The following INPP4B variants were observed in gnomAD, a reference collection of about 807,000 sequenced individuals.
INPP4B encodes inositol polyphosphate 4-phosphatase type II.
Under a neutral mutation model 122.5 loss-of-function variants are expected in INPP4B, and 55 were observed. The ratio of observed to expected loss-of-function variants is 0.45; its 90% confidence interval spans 0.36 to 0.56. The LOEUF is 0.56. Ranked by LOEUF, INPP4B falls within the 20% of genes least tolerant of loss-of-function variation. INPP4B has a pLI of 0.00. For missense variants in INPP4B, 1,000 were observed against 1,097.7 expected (o/e 0.91, Z 1.26); for synonymous variants, 403 against 388.7 (o/e 1.04, Z -0.43).
At chr4:142,346,060 G>T (rs895653212) in intron 7 of INPP4B, among the ~76,000 whole-genome samples, 1 of 152,042 alleles carries the variant, frequency 6.6e-6, no homozygotes, top group Non-Finnish European at 1.5e-5. Flanking sequence ...CAACAAGGAA[G>T]TGGCATTGTA....
chr4:142,420,398 G>T (rs1314125097), intron 5 of INPP4B, among the ~76,000 whole-genome samples: 1 of 151,968 alleles, frequency 6.6e-6, no homozygotes. Flanking sequence ...TCTCATATCT[G>T]CGGGGTGCAC....
intron 1 of INPP4B, among the ~76,000 whole-genome samples, chr4:142,789,192 C>G (rs1177009960): frequency 6.6e-6 from 1 of 152,084 alleles, no homozygotes; most frequent in African/African-American, 2.4e-5. Context: ...GATGGCCACT[C>G]TCATCACTCC....
At chr4:142,594,857 A>AGGC (rs1738325363) in intron 2 of INPP4B, among the ~76,000 whole-genome samples, 1 of 148,736 alleles carries the variant, frequency 6.7e-6, no homozygotes, top group South Asian at 2.2e-4. Context: ...CGGGAGGTTG[A>AGGC]GGCAGGAGAA....
Position 142,028,710 on chromosome 4 carries a change from C to A in INPP4B, c.*72G>T. Reference sequence around the variant, plus strand: ...ACAAATTCATGACAATAAAAACAAACAAAAAAGACCAAGGTGAAGATTATC... The same window carrying A: ...ACAAATTCATGACAATAAAAACAAAAAAAAAAGACCAAGGTGAAGATTATC... On this transcript the variant is annotated 3_prime_UTR_variant, in exon 26 of 26. Transcript: ENST00000262992. 6.7e-7 allele frequency: 1 copy of A among 1,490,058 alleles called. No individual in the cohort carries two copies. The highest frequency in any genetic ancestry group is 9.1e-7 in the Non-Finnish European group (1 of 1,104,540). 92.3% of individuals were successfully genotyped at this position (1,490,058 alleles called of 1,614,324 possible).
chr4:142,305,388 A>G, intron 9 of INPP4B, 70 bp downstream of exon 9: 1 of 1,188,032 alleles, frequency 8.4e-7, no homozygotes, highest in Non-Finnish European at 1.2e-6. Context: ...TGACTTTCAA[A>G]CACACTGGCC....
chr4:142,421,678 T>C (rs1187018394), intron 5 of INPP4B, among the ~76,000 whole-genome samples: 2 of 152,118 alleles, frequency 1.3e-5, no homozygotes, highest in African/African-American at 4.8e-5. Context: ...TAGGATTTCA[T>C]GTATTTTTCT....
intron 7 of INPP4B, among the ~76,000 whole-genome samples, chr4:142,321,123 A>G (rs1028182423): frequency 6.6e-6 from 1 of 152,176 alleles, no homozygotes; most frequent in African/African-American, 2.4e-5. Flanking sequence ...ATCCACACCA[A>G]CATCTATTAT....
intron 15 of INPP4B, among the ~76,000 whole-genome samples, chr4:142,176,725 T>C (rs1389734493): frequency 6.6e-6 from 1 of 152,122 alleles, no homozygotes; most frequent in Non-Finnish European, 1.5e-5. Flanking sequence ...TAAGAGATTC[T>C]GCTTTAGTAT....
At chr4:142,159,050 T>C (rs1046020023) in intron 17 of INPP4B, among the ~76,000 whole-genome samples, 3 of 152,000 alleles carry the variant, frequency 2.0e-5, no homozygotes, top group African/African-American at 7.2e-5. Flanking sequence ...TAAGATTATA[T>C]AATTTATATT....
chr4:142,716,342 A>C (rs1763761249), intron 2 of INPP4B, among the ~76,000 whole-genome samples: 1 of 152,234 alleles, frequency 6.6e-6, no homozygotes, highest in South Asian at 2.1e-4. Flanking sequence ...TTAGCAAGCT[A>C]TAGGCTTCAA....
At chr4:142,320,321 A>C (rs1236150131) in intron 7 of INPP4B, among the ~76,000 whole-genome samples, 1 of 152,178 alleles carries the variant, frequency 6.6e-6, no homozygotes, top group Non-Finnish European at 1.5e-5. Context: ...TCATGACAGT[A>C]AATGCTATCC....
chr4:142,332,299 G>A (rs1049122501), intron 7 of INPP4B, among the ~76,000 whole-genome samples: 6 of 151,828 alleles, frequency 4.0e-5, no homozygotes, highest in South Asian at 2.1e-4. Context: ...TTTATTTTCC[G>A]TTTAAAATAA....
intron 9 of INPP4B, among the ~76,000 whole-genome samples, chr4:142,294,130 A>G (rs1200078203): frequency 6.6e-6 from 1 of 152,212 alleles, no homozygotes; most frequent in Non-Finnish European, 1.5e-5. Flanking sequence ...TTAAAAGCCC[A>G]GACTTCACCA....
Position 142,802,771 on chromosome 4 carries a change from C to CT in INPP4B, c.-254+43437dup, listed in dbSNP as rs540356163. ...GAATGAGTTTTTCCTCTTTCAGTTT[C>CT]TTTTTTTTTTTAATGATAATAATTT... On this transcript the variant is annotated intron_variant, in intron 1 of 25. Transcript: ENST00000262992. 2.8e-3 allele frequency among the ~76,000 whole-genome samples: 402 copies of CT among 143,510 alleles called. 1 individual carries two copies. The highest frequency in any genetic ancestry group is 3.6e-3 in the Middle Eastern group (1 of 280). The allele number at this position is 143,510 out of a possible 152,430, so 94.1% of individuals were successfully genotyped here. A position where few individuals can be genotyped will look rare whatever the true frequency, so the allele number is the denominator to read the frequency against.
At chr4:142,089,460 CACACACACACACACACACACAG>C (rs1409664781) in intron 23 of INPP4B, among the ~76,000 whole-genome samples, 10 of 147,834 alleles carry the variant, frequency 6.8e-5, no homozygotes, top group Admixed American at 2.0e-4. Context: ...CACACACACA[CACACACACACACACACACACAG>C]AGAGAGAGAG....
In INPP4B at chr4:142,101,253, C is replaced by A. The variant is rs190254152; in HGVS notation, c.2374+6840G>T. 3.9e-5 allele frequency among the ~76,000 whole-genome samples: 6 copies of A among 152,190 alleles called. No homozygotes were observed. The East Asian group carries it at 1.2e-3, about 29-fold the overall frequency. ...TGGATTCCAATTTTAGGTAAATAAG[C>A]AGAAAGTGGATTGGTATTCAGATGT... On this transcript the variant is annotated intron_variant, in intron 23 of 25. Coordinates refer to ENST00000262992, the MANE Select transcript of INPP4B (RefSeq NM_001101669.3).
chr4:142,221,182 G>A (rs139216282), intron 12 of INPP4B, among the ~76,000 whole-genome samples: 5,208 of 152,008 alleles, frequency 0.034, 288 homozygotes, highest in African/African-American at 0.12. Flanking sequence ...AGTGGATCAC[G>A]AGGTCAGGAG....
chr4:142,146,217 C>A (rs1256361875), intron 17 of INPP4B, among the ~76,000 whole-genome samples: 2 of 151,962 alleles, frequency 1.3e-5, no homozygotes, highest in Non-Finnish European at 2.9e-5. Context: ...TTATTTAGTC[C>A]ATTATTTTCA....
chr4:142,050,674 C>T (rs1042303609), intron 25 of INPP4B, among the ~76,000 whole-genome samples: 2 of 151,940 alleles, frequency 1.3e-5, no homozygotes, highest in Non-Finnish European at 2.9e-5. Context: ...GGTAAATATT[C>T]GTTTTGTAAT....
Sources: gnomAD v4.1 joint callset for allele counts (sites outside exome capture counted in the v4.1 genomes callset) on GRCh38, gnomAD v4.1.1 for gene constraint, MANE v1.5 for transcripts, NCBI Gene and HGNC (gene_info 2026-07-23, HGNC 2026-07-21) for gene names.